Variants in DLC1 observed in about 807,000 individuals in gnomAD.
DLC1 encodes the protein DLC1 Rho GTPase activating protein.
In DLC1, 54 loss-of-function variants were observed where a neutral mutation model predicts 140.3. That is an observed-to-expected ratio of 0.38 (90% CI 0.31 to 0.48). DLC1 has a LOEUF of 0.48. DLC1 is among the 20% of genes least tolerant of loss of function. The pLI, the probability that DLC1 is intolerant of heterozygous loss-of-function variation, is 0.96. For missense variants in DLC1, 2,536 were observed against 1,907.0 expected, an observed-to-expected ratio of 1.33 and a Z score of -6.14; for synonymous variants, 986 against 728.1, an observed-to-expected ratio of 1.35 and a Z score of -5.70.
chr8:13,539,124 TTGA>T (rs1261384749), intron 1 of DLC1, among the ~76,000 whole-genome samples: 1 of 152,208 alleles, frequency 6.6e-6, no homozygotes, highest in Non-Finnish European at 1.5e-5. Flanking sequence ...ACTTTTTATC[TTGA>T]TTATTGGCAA....
chr8:13,418,548 G>T (rs1287252186), intron 2 of DLC1, among the ~76,000 whole-genome samples: 2 of 152,026 alleles, frequency 1.3e-5, no homozygotes, highest in Admixed American at 6.6e-5. Flanking sequence ...TATTTCTGAG[G>T]GCTCTGTTGT....
chr8:13,466,612 A>T (rs67884451), intron 2 of DLC1, among the ~76,000 whole-genome samples: 1 of 151,876 alleles, frequency 6.6e-6, no homozygotes, highest in Admixed American at 6.5e-5. Flanking sequence ...CCTTGTAAAC[A>T]TCCACAACCA....
intron 4 of DLC1, among the ~76,000 whole-genome samples, chr8:13,336,328 A>G (rs1032336226): frequency 3.3e-5 from 5 of 152,220 alleles, no homozygotes; most frequent in Admixed American, 2.6e-4. Flanking sequence ...TTACAGTGGT[A>G]GAAATTCTAA....
chr8:13,346,921 G>A (rs757472574), intron 4 of DLC1, among the ~76,000 whole-genome samples: 29 of 152,212 alleles, frequency 1.9e-4, no homozygotes, highest in Non-Finnish European at 3.4e-4. Context: ...GTGGTCAACC[G>A]TGGTCTGAAA....
At chr8:13,326,089 A>G (rs1833334182) in intron 4 of DLC1, among the ~76,000 whole-genome samples, 1 of 152,216 alleles carries the variant, frequency 6.6e-6, no homozygotes, top group Non-Finnish European at 1.5e-5. Context: ...TCACTCTATG[A>G]TGTCTGCACA....
At chr8:13,451,564 A>G (rs1026593388) in intron 2 of DLC1, among the ~76,000 whole-genome samples, 5 of 152,160 alleles carry the variant, frequency 3.3e-5, no homozygotes, top group African/African-American at 1.2e-4. Flanking sequence ...CTCTATGTCC[A>G]TGAATTCGAT....
chr8:13,237,889 T>A (rs927054116), intron 5 of DLC1, among the ~76,000 whole-genome samples: 1 of 147,920 alleles, frequency 6.8e-6, no homozygotes, highest in Non-Finnish European at 1.5e-5. Context: ...AATACATATA[T>A]TGAAAGAAAG....
chr8:13,537,805 C>T (rs1469294201), intron 1 of DLC1, among the ~76,000 whole-genome samples: 3 of 151,966 alleles, frequency 2.0e-5, no homozygotes, highest in Admixed American at 6.6e-5. Flanking sequence ...AGGCGCCCGC[C>T]ACCATGCCCG....
intron 1 of DLC1, among the ~76,000 whole-genome samples, chr8:13,540,829 C>G (rs1803457575): frequency 6.6e-6 from 1 of 152,172 alleles, no homozygotes; most frequent in African/African-American, 2.4e-5. Context: ...TCAGGATGGA[C>G]ATGGGTCACA....
At chr8:13,112,432 A>G (rs927503313) in intron 6 of DLC1, among the ~76,000 whole-genome samples, 2 of 152,196 alleles carry the variant, frequency 1.3e-5, no homozygotes, top group South Asian at 4.1e-4. Context: ...TGAAGGCTAC[A>G]GTTGGATTAC....
chr8:13,219,961 C>G (rs367628640), intron 5 of DLC1, among the ~76,000 whole-genome samples: 1 of 151,938 alleles, frequency 6.6e-6, no homozygotes, highest in Non-Finnish European at 1.5e-5. Context: ...CATGAACTAT[C>G]GAGAATAGAT....
At chr8:13,179,739 A>G (rs141095972) in intron 5 of DLC1, among the ~76,000 whole-genome samples, 28 of 152,218 alleles carry the variant, frequency 1.8e-4, no homozygotes, top group African/African-American at 6.3e-4. Flanking sequence ...AAAAACACAC[A>G]GAAAAAACAC....
At chr8:13,294,586 G>A (rs191666339) in intron 5 of DLC1, among the ~76,000 whole-genome samples, 1 of 152,154 alleles carries the variant, frequency 6.6e-6, no homozygotes, top group Non-Finnish European at 1.5e-5. Flanking sequence ...TTATGCAGAA[G>A]CAACTTCAGG....
chr8:13,209,250 G>C lies in DLC1; in HGVS notation c.1349-93593C>G, dbSNP rs576402634. 3.6e-3 allele frequency among the ~76,000 whole-genome samples: 550 copies of C among 152,172 alleles called. 6 individuals carry two copies. The highest frequency in any genetic ancestry group is 0.013 in the African/African-American group (522 of 41,530). ...ACCTATGTATCCTTATAAATCTATA[G>C]ATAGATATCTATAAAGACTCATCTC... On this transcript the variant is annotated intron_variant, in intron 5 of 17. Transcript: ENST00000276297.
chr8:13,405,287 C>A (rs560671727), intron 2 of DLC1, among the ~76,000 whole-genome samples: 66 of 152,108 alleles, frequency 4.3e-4, no homozygotes, highest in African/African-American at 1.4e-3. Flanking sequence ...TCAACCCTTG[C>A]CTCCCTCCCT....
At chr8:13,161,362 G>C (rs1824685342) in intron 5 of DLC1, among the ~76,000 whole-genome samples, 1 of 152,090 alleles carries the variant, frequency 6.6e-6, no homozygotes, top group African/African-American at 2.4e-5. Flanking sequence ...GTTTGAGACA[G>C]AATTTCACTC....
rs78386964 is a variant in DLC1 at position 13,253,730 on chromosome 8, G to A, written c.1348+51539C>T. Among the ~76,000 whole-genome samples, 189 of 152,342 alleles carry A rather than the reference G, an allele frequency of 1.2e-3. 4 individuals are homozygous for A. In the East Asian group the frequency reaches 0.033, roughly 27 times the overall value. ...CTGCACATCCTGTGATGGCTGGAGAGTGGGCTTAGGAAGAGGAGGAATTCA... is the reference window on the plus strand; with the variant it reads ...CTGCACATCCTGTGATGGCTGGAGAATGGGCTTAGGAAGAGGAGGAATTCA... On this transcript the variant is annotated intron_variant, in intron 5 of 17. Transcript: ENST00000276297.
intron 5 of DLC1, among the ~76,000 whole-genome samples, chr8:13,248,073 C>G (rs891332700): frequency 2.6e-5 from 4 of 152,210 alleles, no homozygotes; most frequent in African/African-American, 7.2e-5. Context: ...AAGCAGGCAC[C>G]TGGTTAGTCT....
chr8:13,111,255 C>T (rs1425218417), intron 6 of DLC1, among the ~76,000 whole-genome samples: 1 of 152,036 alleles, frequency 6.6e-6, no homozygotes, highest in Admixed American at 6.6e-5. Context: ...AACTGAGCCA[C>T]AGAAAGATCT....
Sources: allele counts gnomAD v4.1 joint callset (sites outside exome capture counted in the v4.1 genomes callset), GRCh38; gene constraint gnomAD v4.1.1; transcripts MANE v1.5; gene names NCBI Gene and HGNC (gene_info 2026-07-23, HGNC 2026-07-21).